The following LRRC7 variants were observed in gnomAD, a reference collection of about 807,000 sequenced individuals.
The protein encoded by LRRC7 is leucine rich repeat containing 7.
Under a neutral mutation model 175.7 loss-of-function variants are expected in LRRC7, and 23 were observed. That is an observed-to-expected ratio of 0.13 (90% CI 0.09 to 0.19). The LOEUF is 0.19. Among genes scored for constraint, LRRC7 ranks in the 10% least tolerant of loss-of-function variants. The probability of loss-of-function intolerance (pLI) is 1.00; values close to 1 mark genes in which losing one functional copy is unlikely to be tolerated. For missense variants in LRRC7, 1,354 were observed against 1,904.7 expected (o/e 0.71, Z 5.38); for synonymous variants, 685 against 680.9 (o/e 1.01, Z -0.09).
At chr1:69,838,410 C>G (rs1332026554) in intron 7 of LRRC7, 127 bp downstream of exon 7, 3 of 699,070 alleles carry the variant, frequency 4.3e-6, no homozygotes, top group African/African-American at 3.6e-5. Context: ...TTCCTAAAGG[C>G]CAAAAAGTAT....
chr1:70,108,409 T>A (rs1665289409), intron 26 of LRRC7, among the ~76,000 whole-genome samples: 1 of 152,174 alleles, frequency 6.6e-6, no homozygotes, highest in Non-Finnish European at 1.5e-5. Flanking sequence ...ATTAAGCAAA[T>A]ACTTTACATA....
At position 70,131,609 on chromosome 1, in the gene LRRC7, C is replaced by G. The variant is rs1011980833; in HGVS notation, c.*9722C>G. Among the ~76,000 whole-genome samples the G allele has an allele frequency of 6.6e-6, 1 of 152,146 alleles. No homozygotes were observed. The highest frequency in any genetic ancestry group is 6.6e-5 in the Admixed American group (1 of 15,262). ...TCTTTGTATAAAGAGAACTTGATAACTATCAAGTTAATTATGTCTTCTTCT... is the reference window on the plus strand; with the variant it reads ...TCTTTGTATAAAGAGAACTTGATAAGTATCAAGTTAATTATGTCTTCTTCT... On this transcript the variant is annotated 3_prime_UTR_variant, in exon 27 of 27. Coordinates refer to ENST00000651989, the MANE Select transcript of LRRC7 (RefSeq NM_001370785.2).
At chr1:69,651,625 T>C (rs1308958284) in intron 1 of LRRC7, among the ~76,000 whole-genome samples, 1 of 152,040 alleles carries the variant, frequency 6.6e-6, no homozygotes, top group Non-Finnish European at 1.5e-5. Context: ...AATTCCAGAA[T>C]CCAATTAAAA....
chr1:69,766,103 G>A (rs1185246133), intron 3 of LRRC7, among the ~76,000 whole-genome samples: 1 of 151,946 alleles, frequency 6.6e-6, no homozygotes, highest in Non-Finnish European at 1.5e-5. Context: ...AACTTAGAAA[G>A]TGAAATGATA....
chr1:70,004,820 A>G (rs1243391459), intron 11 of LRRC7, among the ~76,000 whole-genome samples: 1 of 150,474 alleles, frequency 6.6e-6, no homozygotes, highest in African/African-American at 2.5e-5. Flanking sequence ...TCTCTCCTAT[A>G]TTCCTCTCTA....
intron 26 of LRRC7, among the ~76,000 whole-genome samples, chr1:70,109,597 G>C (rs1308184903): frequency 6.6e-6 from 1 of 152,166 alleles, no homozygotes; most frequent in Non-Finnish European, 1.5e-5. Context: ...TTTTTGGATA[G>C]CCTAACTAGT....
rs369401567 is a variant in LRRC7, at chr1:70,013,020, A to G, written c.1181A>G (p.Lys394Arg). 5 of 1,586,448 alleles carry G rather than the reference A, an allele frequency of 3.2e-6. No homozygotes were observed. The African/African-American group carries it at 6.8e-5, about 22-fold the overall frequency. Residue 394 changes from lysine (K) to arginine (R), a missense_variant, in exon 13 of 27, where the codon AAA becomes AGA. Physicochemically the swap from Lys to Arg is conservative, Grantham distance 26. Around this residue, in one of 4 missense-constraint regions of LRRC7, gnomAD observed 201 missense variants for 481.4 expected, o/e 0.42. Transcript: ENST00000651989. ...ACAGTCATGTCTCTACGCTCCAACA[A>G]ATTAGAATTTCTTCCTGAAGAGATT... ...NVTVMSLRSN[K>R]LEFLPEEIGQ...
At chr1:69,996,486 T>G (rs1246863129) in intron 11 of LRRC7, among the ~76,000 whole-genome samples, 13 of 151,718 alleles carry the variant, frequency 8.6e-5, no homozygotes, top group East Asian at 3.9e-4. Context: ...GCCTATGTCC[T>G]GAATGGTAAT....
chr1:69,865,968 A>G (rs746123271), intron 7 of LRRC7, among the ~76,000 whole-genome samples: 3 of 152,206 alleles, frequency 2.0e-5, no homozygotes, highest in Admixed American at 2.0e-4. Flanking sequence ...GGAAAGAAAT[A>G]GTTAACTATG....
chr1:69,799,603 A>G (rs779077228), intron 4 of LRRC7, among the ~76,000 whole-genome samples: 60 of 152,046 alleles, frequency 3.9e-4, no homozygotes, highest in Non-Finnish European at 2.5e-4. Flanking sequence ...TTCTTTATCC[A>G]TTCATTTATT....
At chr1:69,804,683 G>A (rs1372792362) in intron 4 of LRRC7, among the ~76,000 whole-genome samples, 1 of 151,486 alleles carries the variant, frequency 6.6e-6, no homozygotes, top group Non-Finnish European at 1.5e-5. Flanking sequence ...CAATTTATAA[G>A]TAAATGCATC....
At chr1:70,076,628 C>A (rs931583156) in intron 24 of LRRC7, among the ~76,000 whole-genome samples, 4 of 152,180 alleles carry the variant, frequency 2.6e-5, no homozygotes, top group African/African-American at 9.7e-5. Context: ...TAAAGGACTT[C>A]AATGGATTAG....
intron 1 of LRRC7, among the ~76,000 whole-genome samples, chr1:69,632,253 C>G (rs944604129): frequency 4.6e-5 from 7 of 152,092 alleles, no homozygotes; most frequent in African/African-American, 1.7e-4. Context: ...TTGTACTTCC[C>G]CAGATACTTC....
chr1:69,594,270 T>C (rs2764535), intron 1 of LRRC7, among the ~76,000 whole-genome samples: 23,036 of 152,152 alleles, frequency 0.15, 1,924 homozygotes, highest in Admixed American at 0.19. Flanking sequence ...TGTAAACTCA[T>C]TGAGATAATT....
At chr1:69,763,870 T>A (rs1448710517) in intron 3 of LRRC7, among the ~76,000 whole-genome samples, 1 of 152,084 alleles carries the variant, frequency 6.6e-6, no homozygotes, top group African/African-American at 2.4e-5. Context: ...TTTTTATTCT[T>A]GATATTACAT....
At position 70,138,592 on chromosome 1, in the gene LRRC7, G is replaced by C. The variant is rs1206210987; in HGVS notation, c.*16705G>C. On this transcript the variant is annotated 3_prime_UTR_variant, in exon 27 of 27. Transcript: ENST00000651989. ...AATCATTTGTACAACCTCATAGAAA[G>C]TTGAGAGGATTAATCAAATTGTTTC... The C allele has an allele frequency of 1.3e-5, 2 of 152,192 alleles. No individual in the cohort carries two copies. The highest frequency in any genetic ancestry group is 3.8e-4 in the East Asian group (2 of 5,198). 9.4% of individuals were successfully genotyped at this position (152,192 alleles called of 1,614,324 possible).
intron 7 of LRRC7, among the ~76,000 whole-genome samples, chr1:69,904,642 C>T (rs1646239711): frequency 1.3e-5 from 2 of 151,920 alleles, no homozygotes; most frequent in Admixed American, 6.6e-5. Context: ...TTTAAATGCA[C>T]TTTCTCCTGA....
intron 1 of LRRC7, among the ~76,000 whole-genome samples, chr1:69,673,258 T>C (rs1302809150): frequency 6.6e-6 from 1 of 152,220 alleles, no homozygotes; most frequent in Non-Finnish European, 1.5e-5. Context: ...TTTGAGACTC[T>C]AGCCAAATTT....
rs1226928399 is a variant in LRRC7, at chr1:70,023,384, G to A, written c.1794+10G>A. On this transcript the variant is annotated intron_variant, in intron 17 of 26. Coordinates refer to ENST00000651989, the MANE Select transcript of LRRC7 (RefSeq NM_001370785.2). ...TCTAAGTGGCAGACAGGTAGGCCTA[G>A]GTGTCTGGGGTAGGAGAATCTCCCA... is the stretch of plus-strand genomic sequence containing the variant. The A allele has an allele frequency of 6.4e-7, 1 of 1,556,170 alleles. No individual in the cohort carries two copies. Among genetic ancestry groups the A allele is most frequent in the Non-Finnish European group, 8.7e-7 (1 of 1,145,176 alleles).
Sources: gnomAD v4.1 joint callset for allele counts (sites outside exome capture counted in the v4.1 genomes callset) on GRCh38, gnomAD v4.1.1 for gene constraint, gnomAD v4.1.1 regional missense constraint, MANE v1.5 for transcripts, NCBI Gene and HGNC (gene_info 2026-07-23, HGNC 2026-07-21) for gene names.